Variants in DNAH9 observed in about 807,000 individuals in gnomAD.
DNAH9 encodes dynein axonemal heavy chain 9, also known as DNAH9 variant protein.
A neutral mutation model predicts 471.6 loss-of-function variants in DNAH9; 345 were observed. The ratio of observed to expected loss-of-function variants is 0.73; its 90% CI spans 0.67 to 0.80. The LOEUF is 0.80. Ranked by LOEUF, DNAH9 falls within the 30% of genes least tolerant of loss-of-function variation. DNAH9 has a pLI of 0.00. For synonymous variants in DNAH9, 2,093 were observed against 2,123.6 expected (o/e 0.99, Z 0.40); for missense variants, 5,407 against 5,609.2 (o/e 0.96, Z 1.15).
At position 11,881,620 on chromosome 17, in the gene DNAH9, G is replaced by A. The variant is rs142934300; in HGVS notation, c.10806+207G>A. 1.1e-3 allele frequency among the ~76,000 whole-genome samples: 167 copies of A among 152,250 alleles called. 2 individuals carry two copies. The highest frequency in any genetic ancestry group is 8.1e-3 in the East Asian group (42 of 5,174). On this transcript the variant is annotated intron_variant, in intron 55 of 68. Coordinates refer to ENST00000262442, the MANE Select transcript of DNAH9 (RefSeq NM_001372.4). ...GAGCTGAAGAACAGAAGCAAAAACAGTTTGAAGGCCGGGCATGGTGGCTCA... is the reference window on the plus strand; with the variant it reads ...GAGCTGAAGAACAGAAGCAAAAACAATTTGAAGGCCGGGCATGGTGGCTCA...
In DNAH9 at chr17:11,762,758, GTTTTTTTTTTTGTTTTTTTT is replaced by G. The variant is rs1406762219; in HGVS notation, c.6996-670_6996-651del. 6.3e-5 allele frequency among the ~76,000 whole-genome samples: 6 copies of G among 94,790 alleles called. No individual in the cohort carries two copies. The South Asian group carries it at 1.1e-3, about 18-fold the overall frequency. The allele number at this position is 94,790 out of a possible 152,430, so 62.2% of individuals were successfully genotyped here. The stretch of plus-strand genomic sequence containing the variant: ...GCACCAAAATTGCCTCTTTAGGTGC[GTTTTTTTTTTTGTTTTTTTT>G]TTTTTTTTTTTTTTTTTTTGAGATG... On this transcript the variant is annotated intron_variant, in intron 35 of 68. Transcript: ENST00000262442.
rs765475955 is a variant in DNAH9, at chr17:11,617,403, C to T, written c.905-8C>T. 3 of 1,608,430 alleles carry T rather than the reference C, an allele frequency of 1.9e-6. No homozygotes were observed. Among genetic ancestry groups the T allele is most frequent in the African/African-American group, 2.7e-5 (2 of 74,822 alleles). ...ATGGGAATGCTGACCATCTCCAATTCCTTCCAGCTCTAGCAGAGGCACAGG... is the reference window on the plus strand; with the variant it reads ...ATGGGAATGCTGACCATCTCCAATTTCTTCCAGCTCTAGCAGAGGCACAGG... On this transcript the variant is annotated splice_region_variant and splice_polypyrimidine_tract_variant and intron_variant, in intron 4 of 68. Coordinates refer to ENST00000262442, the MANE Select transcript of DNAH9 (RefSeq NM_001372.4).
chr17:11,616,771 G>GT (rs2072754705), intron 4 of DNAH9, among the ~76,000 whole-genome samples: 1 of 152,174 alleles, frequency 6.6e-6, no homozygotes, highest in Admixed American at 6.5e-5. Context: ...CTCACTCATA[G>GT]GTGGGAATTG....
chr17:11,952,309 C>CTTTTTTTTTTTTTTTT (rs753276964), intron 67 of DNAH9, among the ~76,000 whole-genome samples: 1 of 71,084 alleles, frequency 1.4e-5, no homozygotes, highest in African/African-American at 6.2e-5. Context: ...CCAGCTAATT[C>CTTTTTTTTTTTTTTTT]TTTTTTTTTT....
At chr17:11,689,109 A>C (rs1346169913) in intron 19 of DNAH9, among the ~76,000 whole-genome samples, 1 of 151,822 alleles carries the variant, frequency 6.6e-6, no homozygotes, top group Non-Finnish European at 1.5e-5. Context: ...AAAAAATAAA[A>C]ATAAAAAATA....
intron 38 of DNAH9, among the ~76,000 whole-genome samples, chr17:11,769,919 C>T (rs1202966961): frequency 6.6e-6 from 1 of 152,228 alleles, no homozygotes; most frequent in Non-Finnish European, 1.5e-5. Context: ...ATTTACGACA[C>T]AGTCTCCTTT....
intron 57 of DNAH9, 123 bp from the exon 58 acceptor site, chr17:11,891,654 C>G: frequency 8.4e-7 from 1 of 1,185,778 alleles, no homozygotes; most frequent in East Asian, 2.4e-5. Context: ...CATGAGCCAC[C>G]GTGCCTGGCC....
chr17:11,872,907 G>C (rs922045845), intron 52 of DNAH9, among the ~76,000 whole-genome samples: 1 of 152,230 alleles, frequency 6.6e-6, no homozygotes, highest in African/African-American at 2.4e-5. Flanking sequence ...GCGACAGAGC[G>C]AGACTCCGTC....
intron 56 of DNAH9, chr17:11,884,206 T>A (rs990532048): frequency 5.7e-6 from 1 of 175,780 alleles, no homozygotes; most frequent in Non-Finnish European, 1.2e-5. Flanking sequence ...AAAACCTCAA[T>A]AACTTCCTAG....
intron 53 of DNAH9, 99 bp from the exon 54 acceptor site, chr17:11,879,979 T>C: frequency 2.8e-6 from 4 of 1,414,876 alleles, no homozygotes; most frequent in Non-Finnish European, 3.9e-6. Context: ...CCTCCAACTA[T>C]ACCACCATGT....
chr17:11,883,049 A>C, intron 55 of DNAH9: 5 of 986,864 alleles, frequency 5.1e-6, no homozygotes, highest in Non-Finnish European at 6.0e-6. Context: ...GCATAAAGAG[A>C]GGAAGAGATG....
At chr17:11,762,116 C>T (rs1288572513) in intron 35 of DNAH9, among the ~76,000 whole-genome samples, 1 of 152,196 alleles carries the variant, frequency 6.6e-6, no homozygotes, top group African/African-American at 2.4e-5. Context: ...GGAAGTAATA[C>T]CTAGATTACT....
At chr17:11,843,448 A>G (rs1444429210) in intron 49 of DNAH9, among the ~76,000 whole-genome samples, 1 of 152,130 alleles carries the variant, frequency 6.6e-6, no homozygotes, top group East Asian at 1.9e-4. Context: ...TTATTGAAGG[A>G]TATTTTAAAA....
Position 11,831,996 on chromosome 17 carries a change from G to A in DNAH9, c.9247-2642G>A, listed in dbSNP as rs562691945. On this transcript the variant is annotated intron_variant, in intron 48 of 68. Transcript: ENST00000262442. ...GGCTGAGGGAAAGGGTCTCTTCTGT[G>A]TTTATGGCATGCTCCCTCTCAACCT... Among the ~76,000 whole-genome samples the A allele has an allele frequency of 3.7e-4, 57 of 152,330 alleles. No homozygotes were observed. In the South Asian group the frequency reaches 0.012, roughly 31 times the overall value.
At chr17:11,966,576 G>C (rs779024762) in intron 68 of DNAH9, among the ~76,000 whole-genome samples, 2 of 152,176 alleles carry the variant, frequency 1.3e-5, no homozygotes, top group African/African-American at 4.8e-5. Flanking sequence ...ATAAAAGATA[G>C]TATAAATGCA....
chr17:11,805,047 C>T (rs756544519), intron 43 of DNAH9, among the ~76,000 whole-genome samples: 80 of 151,030 alleles, frequency 5.3e-4, no homozygotes, highest in Non-Finnish European at 8.5e-4. Context: ...AAGCAAGGCT[C>T]TGTCTCAAAA....
chr17:11,698,130 ATAAT>A (rs1352199506), intron 22 of DNAH9, among the ~76,000 whole-genome samples: 2 of 111,238 alleles, frequency 1.8e-5, no homozygotes, highest in East Asian at 5.1e-4. Flanking sequence ...TATATAATAT[ATAAT>A]TATATATTAG....
intron 67 of DNAH9, among the ~76,000 whole-genome samples, chr17:11,946,558 G>A (rs1975131102): frequency 6.6e-6 from 1 of 151,328 alleles, no homozygotes; most frequent in Non-Finnish European, 1.5e-5. Flanking sequence ...CAGCCACTCG[G>A]GAGGCTGAGG....
chr17:11,742,849 A>G (rs769737792), intron 30 of DNAH9, among the ~76,000 whole-genome samples: 6 of 152,316 alleles, frequency 3.9e-5, no homozygotes, highest in East Asian at 1.9e-4. Flanking sequence ...GCTGTCCCCA[A>G]TGAGCTTTGG....
Sources: gnomAD v4.1 joint callset for allele counts (sites outside exome capture counted in the v4.1 genomes callset) on GRCh38, gnomAD v4.1.1 for gene constraint, MANE v1.5 for transcripts, NCBI Gene and HGNC (gene_info 2026-07-23, HGNC 2026-07-21) for gene names.